CSMD1: variants seen among roughly 807,000 people sequenced by gnomAD.
The protein encoded by CSMD1 is CUB and sushi domain-containing protein 1.
CSMD1 carries 213 observed loss-of-function variants against 417.5 expected under a neutral mutation model. The observed-to-expected ratio is 0.51, with a 90% CI of 0.46 to 0.57. CSMD1 has a LOEUF of 0.57. Ranked by LOEUF, CSMD1 falls within the 20% of genes least tolerant of loss-of-function variation. The pLI is 0.00. For missense variants in CSMD1, 6,923 were observed against 4,529.7 expected (o/e 1.53, Z -15.17); for synonymous variants, 2,862 against 1,736.8 (o/e 1.65, Z -16.11).
intron 1 of CSMD1, among the ~76,000 whole-genome samples, chr8:4,854,565 G>A (rs1043770299): frequency 4.6e-5 from 7 of 152,180 alleles, no homozygotes; most frequent in South Asian, 2.1e-4. Context: ...CGCACCGTGC[G>A]TGAGCTGAAG....
chr8:2,937,789 C>T lies in CSMD1; in HGVS notation c.*796G>A, dbSNP rs948213114. 6.6e-6 allele frequency: 1 copy of T among 152,600 alleles called. No homozygotes were observed. The highest frequency in any genetic ancestry group is 2.4e-5 in the African/African-American group (1 of 41,422). 9.5% of individuals were successfully genotyped at this position (152,600 alleles called of 1,614,324 possible). A position where few individuals can be genotyped will look rare whatever the true frequency, so the allele number is the denominator to read the frequency against. ...GTGCCATATCTAGGAATACTTTTCC[C>T]TAACACTCCAACTAAGCTGATGGGG... On this transcript the variant is annotated 3_prime_UTR_variant, in exon 70 of 70. Coordinates refer to ENST00000635120, the MANE Select transcript of CSMD1 (RefSeq NM_033225.6).
At chr8:3,884,175 G>T (rs1289111166) in intron 5 of CSMD1, among the ~76,000 whole-genome samples, 1 of 152,126 alleles carries the variant, frequency 6.6e-6, no homozygotes, top group African/African-American at 2.4e-5. Flanking sequence ...AACTCAGGTG[G>T]CTTTAAATTC....
At position 3,013,748 on chromosome 8, in the gene CSMD1, G is replaced by GA. The variant is rs753380315; in HGVS notation, c.8029+4728dup. 7.4e-3 allele frequency among the ~76,000 whole-genome samples: 879 copies of GA among 119,562 alleles called. 5 individuals are homozygous for GA. The highest frequency in any genetic ancestry group is 0.017 in the African/African-American group (581 of 34,002). The allele number at this position is 119,562 out of a possible 152,430, so 78.4% of individuals were successfully genotyped here. ...CCTGGGCAACTGAGACTCCATCTCA[G>GA]AAAAAAAAAAAAAAAATTCCAAACA... On this transcript the variant is annotated intron_variant, in intron 52 of 69. Coordinates refer to ENST00000635120, the MANE Select transcript of CSMD1 (RefSeq NM_033225.6).
intron 1 of CSMD1, among the ~76,000 whole-genome samples, chr8:4,880,180 C>G (rs1803302404): frequency 6.6e-6 from 1 of 150,392 alleles, no homozygotes; most frequent in Admixed American, 6.6e-5. Context: ...CTGAATTTCT[C>G]TTTCAGGAGA....
chr8:3,300,411 A>T (rs1207885496), intron 25 of CSMD1, among the ~76,000 whole-genome samples: 3 of 152,118 alleles, frequency 2.0e-5, no homozygotes, highest in African/African-American at 7.2e-5. Flanking sequence ...AAAATAATTA[A>T]CCATAAACCA....
intron 65 of CSMD1, among the ~76,000 whole-genome samples, chr8:2,952,137 A>T (rs1802679951): frequency 6.6e-6 from 1 of 152,226 alleles, no homozygotes; most frequent in Non-Finnish European, 1.5e-5. Flanking sequence ...GTATAAATTC[A>T]CATGATGATT....
At chr8:3,411,590 A>T in intron 12 of CSMD1, among the ~76,000 whole-genome samples, 1 of 150,998 alleles carries the variant, frequency 6.6e-6, no homozygotes, top group East Asian at 2.0e-4. Flanking sequence ...AATAGTCTCC[A>T]ATCTCATCCA....
intron 5 of CSMD1, among the ~76,000 whole-genome samples, chr8:3,976,798 C>A (rs921309138): frequency 1.3e-5 from 2 of 152,168 alleles, no homozygotes; most frequent in African/African-American, 4.8e-5. Context: ...TGCTCAAGGT[C>A]GCATGCCTGT....
At chr8:3,650,165 G>C (rs1413112855) in intron 7 of CSMD1, among the ~76,000 whole-genome samples, 1 of 152,024 alleles carries the variant, frequency 6.6e-6, no homozygotes, top group African/African-American at 2.4e-5. Context: ...TGTAATCCCA[G>C]CTATTGGGGA....
At chr8:3,573,052 T>G (rs1318242757) in intron 10 of CSMD1, among the ~76,000 whole-genome samples, 1 of 152,154 alleles carries the variant, frequency 6.6e-6, no homozygotes, top group African/African-American at 2.4e-5. Flanking sequence ...TTAGACAAAT[T>G]AATGAGATGG....
At chr8:3,562,278 C>T (rs1231183099) in intron 10 of CSMD1, among the ~76,000 whole-genome samples, 1 of 152,112 alleles carries the variant, frequency 6.6e-6, no homozygotes, top group Non-Finnish European at 1.5e-5. Flanking sequence ...AAAACATCAA[C>T]TGATGAGAGA....
At chr8:4,875,931 G>T (rs988405808) in intron 1 of CSMD1, among the ~76,000 whole-genome samples, 3 of 152,006 alleles carry the variant, frequency 2.0e-5, no homozygotes, top group African/African-American at 7.2e-5. Context: ...ACAATTTAAA[G>T]AATTTTCTTC....
intron 3 of CSMD1, among the ~76,000 whole-genome samples, chr8:4,318,371 ACT>A (rs1195739788): frequency 2.6e-5 from 4 of 151,974 alleles, no homozygotes; most frequent in Non-Finnish European, 5.9e-5. Context: ...ACATGTGCAC[ACT>A]CTCGTACACA....
chr8:3,701,075 T>C (rs1312951661), intron 7 of CSMD1, among the ~76,000 whole-genome samples: 3 of 151,596 alleles, frequency 2.0e-5, no homozygotes, highest in Admixed American at 6.6e-5. Flanking sequence ...AGGGGTGCTG[T>C]GAAGGTCTAG....
At chr8:4,486,194 T>G in intron 2 of CSMD1, among the ~76,000 whole-genome samples, 1 of 11,056 alleles carries the variant, frequency 9.0e-5, no homozygotes, top group East Asian at 3.1e-3. Flanking sequence ...TATATATATA[T>G]ATATACATAC....
At chr8:4,691,143 G>A (rs373192773) in intron 1 of CSMD1, among the ~76,000 whole-genome samples, 6 of 152,180 alleles carry the variant, frequency 3.9e-5, no homozygotes, top group African/African-American at 1.4e-4. Flanking sequence ...CATTTTAACT[G>A]CAAGGGAAGG....
intron 68 of CSMD1, among the ~76,000 whole-genome samples, chr8:2,944,791 G>T (rs1802106408): frequency 6.6e-6 from 1 of 151,958 alleles, no homozygotes. Flanking sequence ...CTGTAATTCT[G>T]GGATTATCTG....
chr8:4,096,992 A>C (rs1585306333), intron 3 of CSMD1, among the ~76,000 whole-genome samples: 1 of 152,218 alleles, frequency 6.6e-6, no homozygotes, highest in African/African-American at 2.4e-5. Context: ...GGATGGGCAG[A>C]GATAAAATCT....
intron 26 of CSMD1, among the ~76,000 whole-genome samples, chr8:3,252,240 A>G (rs188164867): frequency 6.6e-6 from 1 of 152,280 alleles, no homozygotes; most frequent in African/African-American, 2.4e-5. Context: ...CGTCCCATCA[A>G]TACCTGATTT....
Sources: allele counts gnomAD v4.1 joint callset (sites outside exome capture counted in the v4.1 genomes callset), GRCh38; gene constraint gnomAD v4.1.1; transcripts MANE v1.5; gene names NCBI Gene and HGNC (gene_info 2026-07-23, HGNC 2026-07-21).